The following RESF1 variants were observed in gnomAD, a reference collection of about 807,000 sequenced individuals.
The protein encoded by RESF1 is gonad expressed transcript.
Under a neutral mutation model 134.7 loss-of-function variants are expected in RESF1, and 65 were observed. The ratio of observed to expected loss-of-function variants is 0.48; its 90% CI spans 0.40 to 0.59. The LOEUF is 0.59. RESF1 is among the 20% of genes least tolerant of loss of function. The pLI, the probability that RESF1 is intolerant of heterozygous loss-of-function variation, is 0.00. For synonymous variants in RESF1, 762 were observed against 702.2 expected, an observed-to-expected ratio of 1.09 and a Z score of -1.35; for missense variants, 2,274 against 2,002.7, an observed-to-expected ratio of 1.14 and a Z score of -2.59.
chr12:31,985,517 T>C lies in RESF1; in HGVS notation c.4562T>C (p.Ile1521Thr), dbSNP rs1229358414. 6 of 1,601,790 alleles carry C rather than the reference T, an allele frequency of 3.7e-6. No homozygotes were observed. The highest frequency in any genetic ancestry group is 5.1e-6 in the Non-Finnish European group (6 of 1,176,626). The stretch of plus-strand genomic sequence containing the variant: ...ACAAGCCATGGTAAAAACCTCAAAA[T>C]CCACCATTCTCAGGAGTCTAAAACA... ...GLTSHGKNLK[I>T]HHSQESKTYN... Residue 1521 changes from isoleucine (I) to threonine (T), a missense_variant, in exon 4 of 6, where the codon ATC (isoleucine) becomes ACC (threonine). By Grantham distance (89) the Ile-to-Thr change is moderately conservative (BLOSUM62 -1). Coordinates refer to ENST00000312561, the MANE Select transcript of RESF1 (RefSeq NM_018169.4).
At chr12:31,973,740 A>G (rs1372700923) in intron 3 of RESF1, among the ~76,000 whole-genome samples, 1 of 152,092 alleles carries the variant, frequency 6.6e-6, no homozygotes, top group Non-Finnish European at 1.5e-5. Context: ...CTCTGTATTA[A>G]TTGCTAGGGC....
At chr12:31,966,357 C>T (rs1413643664) in intron 2 of RESF1, among the ~76,000 whole-genome samples, 2 of 152,178 alleles carry the variant, frequency 1.3e-5, no homozygotes, top group Non-Finnish European at 2.9e-5. Context: ...CGTAGGGTAA[C>T]TGGCTTCCGC....
chr12:31,980,411 T>A (rs928452789), intron 3 of RESF1, among the ~76,000 whole-genome samples: 2 of 152,202 alleles, frequency 1.3e-5, no homozygotes, highest in Middle Eastern at 3.2e-3. Flanking sequence ...GCACCCGGCC[T>A]TATGCCAGAA....
chr12:31,980,621 CAG>C (rs1939759982), intron 3 of RESF1, among the ~76,000 whole-genome samples: 1 of 152,032 alleles, frequency 6.6e-6, no homozygotes, highest in Non-Finnish European at 1.5e-5. Context: ...TAAGTAAAAA[CAG>C]AAGGTGATTG....
intron 2 of RESF1, among the ~76,000 whole-genome samples, chr12:31,961,770 A>G (rs1340955314): frequency 1.3e-5 from 2 of 152,206 alleles, no homozygotes; most frequent in Non-Finnish European, 2.9e-5. Flanking sequence ...GGAATAAAAA[A>G]TGCCTCCAAA....
rs1226681420 is a variant in RESF1 at position 31,992,533 on chromosome 12, T to G, written c.5242T>G (p.Ter1748GluextTer7). 1 of 1,612,218 alleles carries G rather than the reference T, an allele frequency of 6.2e-7. No homozygotes were observed. The highest frequency in any genetic ancestry group is 8.5e-7 in the Non-Finnish European group (1 of 1,179,474). ...AAGCCTTGGTAGCAGTCCTGTAAAA[T>G]AATTACAAGATGTGGTTTTGTAATT... ...SRSLGSSPVK[*>E] The change falls in exon 6 of 6, where the codon TAA (stop) becomes GAA (glutamate). Residue 1748 changes from the stop codon to glutamate (E), a stop_lost. Transcript: ENST00000312561.
intron 3 of RESF1, among the ~76,000 whole-genome samples, chr12:31,974,862 A>T (rs1254871249): frequency 6.6e-6 from 1 of 151,284 alleles, no homozygotes; most frequent in Non-Finnish European, 1.5e-5. Flanking sequence ...TAGTCAAAGT[A>T]GTGAGAGGAA....
In RESF1 at chr12:31,983,573, A is replaced by G. The variant is rs757758886; in HGVS notation, c.2618A>G (p.Gln873Arg). 1.2e-6 allele frequency: 2 copies of G among 1,614,078 alleles called. No individual in the cohort carries two copies. Among genetic ancestry groups the G allele is most frequent in the South Asian group, 2.2e-5 (2 of 91,088 alleles). Residue 873 changes from glutamine to arginine, a missense_variant, in exon 4 of 6, where the codon CAG becomes CGG. By Grantham distance (43) the Gln-to-Arg change is conservative. Transcript: ENST00000312561. ...ESAIHSPMND[Q>R]QISQESRNST... is the part of the protein sequence containing the mutation. ...GCTATCCATTCTCCTATGAACGATCAGCAAATCTCACAGGAGTCAAGGAAT... is the reference window on the plus strand; with the variant it reads ...GCTATCCATTCTCCTATGAACGATCGGCAAATCTCACAGGAGTCAAGGAAT...
In RESF1 at chr12:31,992,510, G is replaced by A. The variant is rs1324714640; in HGVS notation, c.5219G>A (p.Ser1740Asn). The A allele has an allele frequency of 1.2e-6, 2 of 1,613,828 alleles. No homozygotes were observed. Among genetic ancestry groups the A allele is most frequent in the Non-Finnish European group, 8.5e-7 (1 of 1,179,910 alleles). The change falls in exon 6 of 6, where the codon AGC becomes AAC. Residue 1740 changes from serine to asparagine, a missense_variant. By Grantham distance (46) the Ser-to-Asn change is conservative. Transcript: ENST00000312561. ...ATGTACCTGGAGAAGAGAAGCAGAA[G>A]CCTTGGTAGCAGTCCTGTAAAATAA... ...KQMYLEKRSRSLGSSPVK is the reference protein window; with the variant it reads ...KQMYLEKRSRNLGSSPVK
At chr12:31,963,358 A>AG (rs1565836433) in intron 2 of RESF1, among the ~76,000 whole-genome samples, 2 of 150,518 alleles carry the variant, frequency 1.3e-5, no homozygotes, top group African/African-American at 2.5e-5. Context: ...AAAAAAAAAA[A>AG]GTTCATGGAG....
chr12:31,977,404 T>C, intron 3 of RESF1, among the ~76,000 whole-genome samples: 1 of 152,168 alleles, frequency 6.6e-6, no homozygotes, highest in East Asian at 1.9e-4. Context: ...CAGGTTGGTC[T>C]CAAACTTCTG....
intron 3 of RESF1, among the ~76,000 whole-genome samples, chr12:31,978,081 G>A (rs1939678214): frequency 6.6e-6 from 1 of 152,028 alleles, no homozygotes; most frequent in Non-Finnish European, 1.5e-5. Flanking sequence ...TGGGATTACA[G>A]GCAAGAGCCA....
intron 5 of RESF1, 86 bp downstream of exon 5, chr12:31,987,408 G>A (rs1292917259): frequency 1.4e-6 from 1 of 739,196 alleles, no homozygotes; most frequent in Non-Finnish European, 2.2e-6. Flanking sequence ...TGATTGTAAA[G>A]TATGATTTTA....
Position 31,985,372 on chromosome 12 carries a change from C to T in RESF1, c.4417C>T (p.Pro1473Ser), listed in dbSNP as rs1939943524. The change falls in exon 4 of 6, where the codon CCA (proline) becomes TCA (serine). Residue 1473 changes from proline (P) to serine (S), a missense_variant. Transcript: ENST00000312561. The stretch of plus-strand genomic sequence containing the variant: ...GAAGAAAATCTGTGTGAAAAACGTG[C>T]CATGTGATTCTGAACATATGAGACC... ...ASKKICVKNV[P>S]CDSEHMRPSK... The T allele has an allele frequency of 1.9e-6, 3 of 1,605,638 alleles. No individual in the cohort carries two copies. The highest frequency in any genetic ancestry group is 2.5e-6 in the Non-Finnish European group (3 of 1,177,996).
intron 5 of RESF1, among the ~76,000 whole-genome samples, chr12:31,990,001 C>A (rs146713495): frequency 6.6e-6 from 1 of 152,012 alleles, no homozygotes; most frequent in Non-Finnish European, 1.5e-5. Flanking sequence ...CAATGCCTCT[C>A]GGGTTGGAAG....
chr12:31,984,562 C>G lies in RESF1; in HGVS notation c.3607C>G (p.Gln1203Glu). ...GAACTCATCTTCAGAGGAAGAGAAA[C>G]AAAAAGAGCAGTGTTCTCCTTTGGA... ...IKNSSSEEEK[Q>E]KEQCSPLDTN... is the part of the protein sequence containing the mutation. Residue 1203 changes from glutamine (Q) to glutamate (E), a missense_variant, in exon 4 of 6, where the codon CAA becomes GAA. Transcript: ENST00000312561. 1.9e-6 allele frequency: 3 copies of G among 1,584,294 alleles called. No homozygotes were observed. The highest frequency in any genetic ancestry group is 2.6e-6 in the Non-Finnish European group (3 of 1,167,644).
intron 2 of RESF1, among the ~76,000 whole-genome samples, chr12:31,961,546 G>A (rs557813563): frequency 2.5e-4 from 38 of 152,328 alleles, no homozygotes; most frequent in Admixed American, 1.6e-3. Flanking sequence ...GTTAGCTATT[G>A]TCATGTTAGA....
At chr12:31,991,817 G>C (rs111519092) in intron 5 of RESF1, among the ~76,000 whole-genome samples, 1 of 152,090 alleles carries the variant, frequency 6.6e-6, no homozygotes. Context: ...CAGAGTGCTG[G>C]GATTACAGGC....
chr12:31,960,266 A>C (rs1313025320), intron 1 of RESF1, among the ~76,000 whole-genome samples: 1 of 152,066 alleles, frequency 6.6e-6, no homozygotes, highest in Non-Finnish European at 1.5e-5. Flanking sequence ...TTTGTAGTAC[A>C]TCGAGTGCAT....
Sources: allele counts gnomAD v4.1 joint callset (sites outside exome capture counted in the v4.1 genomes callset), GRCh38; gene constraint gnomAD v4.1.1; transcripts MANE v1.5; gene names NCBI Gene and HGNC (gene_info 2026-07-23, HGNC 2026-07-21).